The following ROCK1 variants were observed in gnomAD, a reference collection of about 807,000 sequenced individuals.
ROCK1 encodes the protein Rho associated coiled-coil containing protein kinase 1.
ROCK1 carries 36 observed loss-of-function variants against 196.8 expected under a neutral mutation model. The observed-to-expected ratio is 0.18, with a 90% CI of 0.14 to 0.24. The LOEUF (loss-of-function observed/expected upper bound fraction) is 0.24, where lower values mean the gene tolerates loss of function less well. Among genes scored for constraint, ROCK1 ranks in the 10% least tolerant of loss-of-function variants. The pLI is 1.00. For missense variants in ROCK1, 920 were observed against 1,562.0 expected, an observed-to-expected ratio of 0.59 and a Z score of 6.93; for synonymous variants, 443 against 515.9, an observed-to-expected ratio of 0.86 and a Z score of 1.91.
Position 21,044,122 on chromosome 18 carries a change from T to C in ROCK1, c.655A>G (p.Thr219Ala). The change falls in exon 6 of 33, where the codon ACT becomes GCT. Residue 219 changes from threonine to alanine, a missense_variant. By Grantham distance (58) the Thr-to-Ala change is moderately conservative. Coordinates refer to ENST00000399799, the MANE Select transcript of ROCK1 (RefSeq NM_005406.3). The stretch of plus-strand genomic sequence containing the variant: ...TTAACCTTATTCATCTTCATACAAG[T>C]ACCAAAATCTGCTAACTTCAAATGT... Reference protein sequence around the residue: ...SGHLKLADFGTCMKMNKEGMV... With the variant: ...SGHLKLADFGACMKMNKEGMV... 6.2e-7 allele frequency: 1 copy of C among 1,609,018 alleles called. No individual in the cohort carries two copies.
chr18:21,074,318 AC>A (rs1394519104), intron 1 of ROCK1, among the ~76,000 whole-genome samples: 1 of 152,226 alleles, frequency 6.6e-6, no homozygotes, highest in African/African-American at 2.4e-5. Context: ...ACATTACTAT[AC>A]CCATGTCAAT....
rs1346133903 is a variant in ROCK1 at position 20,948,121 on chromosome 18, T to TA, written c.*3262dup. The TA allele has an allele frequency of 6.6e-6, 1 of 152,066 alleles. No individual in the cohort carries two copies. Among genetic ancestry groups the TA allele is most frequent in the Non-Finnish European group, 1.5e-5 (1 of 68,034 alleles). 9.4% of individuals were successfully genotyped at this position (152,066 alleles called of 1,614,324 possible). On this transcript the variant is annotated 3_prime_UTR_variant, in exon 33 of 33. Transcript: ENST00000399799. ...GCGAAACTTCGTTTCAAAACAAAAA[T>TA]AAAAAATTATATGGAAATGCAAAAG... is the stretch of plus-strand genomic sequence containing the variant.
chr18:21,036,193 A>G (rs1044674235), intron 9 of ROCK1, among the ~76,000 whole-genome samples: 6 of 152,230 alleles, frequency 3.9e-5, no homozygotes, highest in Admixed American at 3.3e-4. Context: ...CACAAAGCCC[A>G]CATTGATAAT....
intron 19 of ROCK1, 64 bp from the exon 20 acceptor site, chr18:20,984,599 A>C (rs1044177573): frequency 2.7e-4 from 336 of 1,223,172 alleles, no homozygotes; most frequent in Admixed American, 3.5e-4. Context: ...CATTATTTGA[A>C]AGACTACTAA....
intron 27 of ROCK1, among the ~76,000 whole-genome samples, chr18:20,964,152 G>C (rs956518898): frequency 6.6e-6 from 1 of 151,842 alleles, no homozygotes; most frequent in African/African-American, 2.4e-5. Flanking sequence ...TGAAAAATGT[G>C]ACCCATATTT....
chr18:21,073,871 G>C (rs2036408072), intron 1 of ROCK1, among the ~76,000 whole-genome samples: 1 of 152,236 alleles, frequency 6.6e-6, no homozygotes. Context: ...AAGTCCCTTA[G>C]GCCAGATGCT....
intron 1 of ROCK1, among the ~76,000 whole-genome samples, chr18:21,078,838 A>G (rs2036458277): frequency 2.6e-5 from 4 of 152,028 alleles, no homozygotes; most frequent in Admixed American, 2.0e-4. Flanking sequence ...CCTCCTCCCA[A>G]TCCCTTTTGT....
intron 1 of ROCK1, among the ~76,000 whole-genome samples, chr18:21,072,986 A>ATC (rs2036398121): frequency 6.8e-6 from 1 of 147,816 alleles, no homozygotes; most frequent in Non-Finnish European, 1.5e-5. Context: ...AGACAGGACA[A>ATC]TCGCTTGAAC....
At position 20,969,178 on chromosome 18, in the gene ROCK1, C is replaced by A; in HGVS notation, c.2851G>T (p.Asp951Tyr). 1 of 1,603,738 alleles carries A rather than the reference C, an allele frequency of 6.2e-7. No individual in the cohort carries two copies. Among genetic ancestry groups the A allele is most frequent in the Non-Finnish European group, 8.5e-7 (1 of 1,178,190 alleles). Residue 951 changes from aspartate to tyrosine, a missense_variant, in exon 24 of 33, where the codon GAT becomes TAT. This residue lies in a region of ROCK1 where 520 missense variants were observed against 657.1 expected (regional missense o/e 0.79). Transcript: ENST00000399799. ...TTCTCTCTTCTTAATATTTCAATAT[C>A]TTTGGTTAGCATGCTGTTTGCTTCT... Reference protein sequence around the residue: ...LEEANSMLTKDIEILRRENEE... With the variant: ...LEEANSMLTKYIEILRRENEE...
chr18:21,015,598 TG>T, intron 12 of ROCK1, 119 bp from the exon 13 acceptor site: 1 of 680,514 alleles, frequency 1.5e-6, no homozygotes. Context: ...CTTGGTGCCA[TG>T]GATCTCTTTG....
At chr18:21,014,324 C>T (rs958831876) in intron 13 of ROCK1, among the ~76,000 whole-genome samples, 1 of 152,134 alleles carries the variant, frequency 6.6e-6, no homozygotes, top group African/African-American at 2.4e-5. Flanking sequence ...TCTCAGGACG[C>T]AAGTAACCCA....
intron 22 of ROCK1, among the ~76,000 whole-genome samples, chr18:20,973,466 C>CG (rs1460976308): frequency 1.8e-4 from 27 of 151,848 alleles, no homozygotes. Context: ...TTAGTAGAGA[C>CG]GGGGTTTCAC....
intron 1 of ROCK1, among the ~76,000 whole-genome samples, chr18:21,109,801 TTG>T (rs2036734282): frequency 6.6e-6 from 1 of 152,210 alleles, no homozygotes; most frequent in Admixed American, 6.5e-5. Context: ...GATTTTTGAA[TTG>T]TATTATTTCT....
chr18:21,013,494 G>A (rs959356859), intron 13 of ROCK1, among the ~76,000 whole-genome samples: 1 of 152,204 alleles, frequency 6.6e-6, no homozygotes, highest in African/African-American at 2.4e-5. Context: ...ATTTTCAGTG[G>A]AAAGTTCTGA....
rs765177681 is a variant in ROCK1 at position 21,070,590 on chromosome 18, A to G, written c.117T>C (p.Tyr39=). The change falls in exon 2 of 33, where the codon TAT becomes TAC. Residue 39 remains tyrosine, a synonymous_variant. Transcript: ENST00000399799. The part of the protein sequence containing the change: ...CLLDGLDALV[Y]DLDFPALRKN... ...TTCTTAAGGCAGGAAAATCCAAATC[A>G]TATACCAAAGCATCCAATCCATCCT... The G allele has an allele frequency of 6.2e-7, 1 of 1,607,998 alleles. No individual in the cohort carries two copies. The highest frequency in any genetic ancestry group is 1.7e-5 in the Admixed American group (1 of 59,496).
At chr18:20,966,867 T>G in intron 27 of ROCK1, 50 bp downstream of exon 27, 1 of 1,399,692 alleles carries the variant, frequency 7.1e-7, no homozygotes, top group South Asian at 1.3e-5. Context: ...AAATATACAC[T>G]AATTTCCATG....
chr18:20,955,932 G>A (rs1172259160), intron 29 of ROCK1, among the ~76,000 whole-genome samples: 2 of 152,010 alleles, frequency 1.3e-5, no homozygotes, highest in Admixed American at 6.6e-5. Context: ...ATGGATTAGG[G>A]AGAGGTGGAG....
intron 22 of ROCK1, among the ~76,000 whole-genome samples, chr18:20,978,396 A>G (rs560714885): frequency 6.6e-6 from 1 of 152,324 alleles, no homozygotes; most frequent in African/African-American, 2.4e-5. Context: ...CTTCTAAATC[A>G]GAAATGTCCA....
intron 8 of ROCK1, among the ~76,000 whole-genome samples, chr18:21,040,928 G>C (rs2036100237): frequency 6.6e-6 from 1 of 151,882 alleles, no homozygotes; most frequent in Admixed American, 6.6e-5. Flanking sequence ...TTCAAGACCA[G>C]CCTGGCCAAC....
Sources: gnomAD v4.1 joint callset for allele counts (sites outside exome capture counted in the v4.1 genomes callset) on GRCh38, gnomAD v4.1.1 for gene constraint, gnomAD v4.1.1 regional missense constraint, MANE v1.5 for transcripts, NCBI Gene and HGNC (gene_info 2026-07-23, HGNC 2026-07-21) for gene names.